The following TEAD1 variants were observed in gnomAD, a reference collection of about 807,000 sequenced individuals.
The protein encoded by TEAD1 is TEA domain transcription factor 1, also known as transcriptional enhancer factor TEF-1.
A neutral mutation model predicts 54.9 loss-of-function variants in TEAD1; 9 were observed. The ratio of observed to expected loss-of-function variants is 0.16; its 90% CI spans 0.10 to 0.29. The LOEUF (loss-of-function observed/expected upper bound fraction) is 0.29. Ranked by LOEUF, TEAD1 falls within the 10% of genes least tolerant of loss-of-function variation. The probability of loss-of-function intolerance (pLI) is 1.00; values close to 1 mark genes in which losing one functional copy is unlikely to be tolerated. For synonymous variants in TEAD1, 200 were observed against 187.8 expected (o/e 1.07, Z -0.53); for missense variants, 387 against 535.9 (o/e 0.72, Z 2.74).
At chr11:12,925,626 T>G (rs917869958) in intron 11 of TEAD1, among the ~76,000 whole-genome samples, 5 of 152,238 alleles carry the variant, frequency 3.3e-5, no homozygotes, top group African/African-American at 1.2e-4. Flanking sequence ...GTGCCAGTCC[T>G]CTGACTGTGT....
chr11:12,864,691 T>C, intron 4 of TEAD1, 147 bp from the exon 5 acceptor site: 2 of 1,550,104 alleles, frequency 1.3e-6, no homozygotes, highest in Non-Finnish European at 1.7e-6. Context: ...TGTAGGTGTC[T>C]AGTCATATAC....
chr11:12,743,071 G>A (rs188268264), intron 2 of TEAD1, among the ~76,000 whole-genome samples: 8 of 152,320 alleles, frequency 5.3e-5, no homozygotes, highest in Admixed American at 2.0e-4. Flanking sequence ...CCTCTTGTTT[G>A]TCCTTCTCTT....
intron 3 of TEAD1, among the ~76,000 whole-genome samples, chr11:12,845,384 G>A (rs1947125373): frequency 6.6e-6 from 1 of 152,176 alleles, no homozygotes; most frequent in African/African-American, 2.4e-5. Flanking sequence ...GCACTATCGT[G>A]TGTGTGTGCG....
intron 3 of TEAD1, among the ~76,000 whole-genome samples, chr11:12,846,339 G>T (rs1419223378): frequency 6.8e-6 from 1 of 147,890 alleles, no homozygotes; most frequent in Non-Finnish European, 1.5e-5. Flanking sequence ...TTCACTCATA[G>T]CATTTAAATA....
At chr11:12,936,607 G>A (rs1167732145) in intron 12 of TEAD1, among the ~76,000 whole-genome samples, 1 of 152,156 alleles carries the variant, frequency 6.6e-6, no homozygotes, top group Non-Finnish European at 1.5e-5. Flanking sequence ...TGGTATGTTA[G>A]CCTGATGTAA....
At chr11:12,705,079 T>C (rs888483000) in intron 2 of TEAD1, among the ~76,000 whole-genome samples, 1 of 152,202 alleles carries the variant, frequency 6.6e-6, no homozygotes, top group Non-Finnish European at 1.5e-5. Flanking sequence ...AAGAATGGAA[T>C]GGGCTTGACA....
intron 3 of TEAD1, among the ~76,000 whole-genome samples, chr11:12,837,715 C>CT (rs149831884): frequency 0.025 from 1,513 of 60,760 alleles, 36 homozygotes; most frequent in African/African-American, 0.074. Flanking sequence ...CTCCCTTCTC[C>CT]TTCTCCTTCT....
chr11:12,853,542 C>T (rs1440277), intron 3 of TEAD1, among the ~76,000 whole-genome samples: 93,125 of 152,018 alleles, frequency 0.61, 30,120 homozygotes, highest in East Asian at 0.77. Context: ...GATTATGTGG[C>T]GTATCTTTAT....
intron 5 of TEAD1, among the ~76,000 whole-genome samples, chr11:12,867,344 A>ATT (rs769615122): frequency 2.6e-5 from 4 of 152,100 alleles, no homozygotes; most frequent in Non-Finnish European, 5.9e-5. Flanking sequence ...TGGCATCCAC[A>ATT]TTTTAACTTT....
At chr11:12,924,528 G>A (rs1315726005) in intron 10 of TEAD1, among the ~76,000 whole-genome samples, 2 of 152,132 alleles carry the variant, frequency 1.3e-5, no homozygotes, top group African/African-American at 2.4e-5. Flanking sequence ...CAAATGGCTA[G>A]TCAGCTGCAG....
intron 3 of TEAD1, among the ~76,000 whole-genome samples, chr11:12,813,078 G>A (rs1333119836): frequency 6.6e-6 from 1 of 152,156 alleles, no homozygotes; most frequent in Non-Finnish European, 1.5e-5. Flanking sequence ...TGGCCTGGGA[G>A]GGCAAGCCAG....
chr11:12,713,819 T>C (rs564354452), intron 2 of TEAD1, among the ~76,000 whole-genome samples: 1 of 152,336 alleles, frequency 6.6e-6, no homozygotes, highest in African/African-American at 2.4e-5. Context: ...TCTCCTCTCA[T>C]GTTCAGCAAA....
chr11:12,898,788 A>G (rs753597292), intron 9 of TEAD1, among the ~76,000 whole-genome samples: 2 of 152,138 alleles, frequency 1.3e-5, no homozygotes, highest in Non-Finnish European at 2.9e-5. Context: ...TATTACAGGT[A>G]TTATATCCCC....
At chr11:12,758,480 A>G (rs972426086) in intron 2 of TEAD1, among the ~76,000 whole-genome samples, 1 of 140,598 alleles carries the variant, frequency 7.1e-6, no homozygotes, top group African/African-American at 2.7e-5. Flanking sequence ...GCGCAATCTC[A>G]GCTTACTGCA....
At chr11:12,903,797 G>C (rs1320476373) in intron 10 of TEAD1, among the ~76,000 whole-genome samples, 1 of 152,164 alleles carries the variant, frequency 6.6e-6, no homozygotes, top group Admixed American at 6.5e-5. Flanking sequence ...GAGTAACAGA[G>C]CAAGACCCTG....
intron 3 of TEAD1, among the ~76,000 whole-genome samples, chr11:12,793,075 C>T (rs904781344): frequency 6.6e-6 from 1 of 151,018 alleles, no homozygotes. Flanking sequence ...AAAAACAAAA[C>T]AAAACAAAAA....
intron 2 of TEAD1, among the ~76,000 whole-genome samples, chr11:12,710,342 C>T (rs149642874): frequency 6.6e-6 from 1 of 152,038 alleles, no homozygotes; most frequent in African/African-American, 2.4e-5. Context: ...AAAAAACCCA[C>T]GAATTGTATA....
intron 2 of TEAD1, among the ~76,000 whole-genome samples, chr11:12,748,966 A>G (rs1277136930): frequency 3.9e-5 from 6 of 152,154 alleles, no homozygotes; most frequent in Non-Finnish European, 8.8e-5. Flanking sequence ...GTTATGCTCC[A>G]GCCAGTTTAC....
chr11:12,849,745 A>G (rs1398770105), intron 3 of TEAD1, among the ~76,000 whole-genome samples: 2 of 152,232 alleles, frequency 1.3e-5, no homozygotes, highest in African/African-American at 4.8e-5. Flanking sequence ...TTAATTATAC[A>G]GTCTGTCACA....
Sources: allele counts gnomAD v4.1 joint callset (sites outside exome capture counted in the v4.1 genomes callset), GRCh38; gene constraint gnomAD v4.1.1; transcripts MANE v1.5; gene names NCBI Gene and HGNC (gene_info 2026-07-23, HGNC 2026-07-21).